Variants in SPDYE3 observed in about 807,000 individuals in gnomAD.
The protein encoded by SPDYE3 is speedy/RINGO cell cycle regulator family member E3, also known as speedy protein E3.
Under a neutral mutation model 55.0 loss-of-function variants are expected in SPDYE3, and 15 were observed. The observed-to-expected ratio is 0.27, with a 90% CI of 0.18 to 0.42. The LOEUF (loss-of-function observed/expected upper bound fraction) is 0.42. Among genes scored for constraint, SPDYE3 ranks in the 10% least tolerant of loss-of-function variants. SPDYE3 has a pLI of 1.00. For missense variants in SPDYE3, 236 were observed against 576.7 expected (o/e 0.41, Z 6.05); for synonymous variants, 89 against 229.9 (o/e 0.39, Z 5.55).
intron 6 of SPDYE3, among the ~76,000 whole-genome samples, chr7:100,315,512 C>T (rs951181571): frequency 1.3e-5 from 2 of 152,066 alleles, no homozygotes; most frequent in Non-Finnish European, 2.9e-5. Context: ...GTGGTCCCTC[C>T]GTGTCTGCTG....
At chr7:100,319,236 A>T (rs1789515170) in intron 8 of SPDYE3, among the ~76,000 whole-genome samples, 2 of 152,092 alleles carry the variant, frequency 1.3e-5, no homozygotes, top group Non-Finnish European at 2.9e-5. Flanking sequence ...TAATAGAGAC[A>T]AGGGTCTTGC....
In SPDYE3 at chr7:100,307,866, G is replaced by C. The variant is rs1487139643; in HGVS notation, c.-20G>C. On this transcript the variant is annotated 5_prime_UTR_variant, in exon 1 of 11. Transcript: ENST00000332397. Reference sequence around the variant, plus strand: ...ACAGAGACTAGCTTCGGTGAGATTGGACAGATTTTGGGAAAGATCATGACG... The same window carrying C: ...ACAGAGACTAGCTTCGGTGAGATTGCACAGATTTTGGGAAAGATCATGACG... 4 of 1,566,534 alleles carry C rather than the reference G, an allele frequency of 2.6e-6. No individual in the cohort carries two copies. Among genetic ancestry groups the C allele is most frequent in the Non-Finnish European group, 1.7e-6 (2 of 1,164,440 alleles).
At chr7:100,308,673 C>A (rs866457009) in intron 1 of SPDYE3, among the ~76,000 whole-genome samples, 1 of 151,320 alleles carries the variant, frequency 6.6e-6, no homozygotes, top group Non-Finnish European at 1.5e-5. Flanking sequence ...TGTACCACTA[C>A]ACTCCAGCCT....
At chr7:100,311,529 G>A (rs940052815) in intron 3 of SPDYE3, among the ~76,000 whole-genome samples, 1 of 139,268 alleles carries the variant, frequency 7.2e-6, no homozygotes, top group African/African-American at 2.7e-5. Context: ...CAGGGACCAG[G>A]GAAGGATATG....
At chr7:100,318,727 T>C (rs1300972930) in intron 8 of SPDYE3, among the ~76,000 whole-genome samples, 15 of 178 alleles carry the variant, frequency 0.084, no homozygotes, top group Non-Finnish European at 0.15. Flanking sequence ...TTCAATTGCT[T>C]TTTTTTTTTT....
At position 100,321,376 on chromosome 7, in the gene SPDYE3, G is replaced by A. The variant is rs1789578734; in HGVS notation, c.*531G>A. The A allele has an allele frequency of 3.5e-6, 1 of 282,712 alleles. No homozygotes were observed. The highest frequency in any genetic ancestry group is 3.2e-5 in the South Asian group (1 of 31,344). 17.5% of individuals were successfully genotyped at this position (282,712 alleles called of 1,614,324 possible). A position where few individuals can be genotyped will look rare whatever the true frequency, so the allele number is the denominator to read the frequency against. Reference sequence around the variant, plus strand: ...AATGTTGGCCATTGAATCATTAATAGGTTTATTTCAAATAGTTTGGAAATT... The same window carrying A: ...AATGTTGGCCATTGAATCATTAATAAGTTTATTTCAAATAGTTTGGAAATT... On this transcript the variant is annotated 3_prime_UTR_variant, in exon 11 of 11. Transcript: ENST00000332397.
Position 100,321,758 on chromosome 7 carries a change from C to G in SPDYE3, c.*913C>G, listed in dbSNP as rs2129984979. 1 of 148,876 alleles carries G rather than the reference C, an allele frequency of 6.7e-6. No individual in the cohort carries two copies. The highest frequency in any genetic ancestry group is 1.9e-4 in the East Asian group (1 of 5,138). The allele number at this position is 148,876 out of a possible 1,614,324, so 9.2% of individuals were successfully genotyped here. On this transcript the variant is annotated 3_prime_UTR_variant, in exon 11 of 11. Transcript: ENST00000332397. ...TACTAACATGTCTAATATATACTAT[C>G]TATTTTATTGATTTATTTCGAAAAA...
At chr7:100,318,887 G>GT (rs1554445172) in intron 8 of SPDYE3, among the ~76,000 whole-genome samples, 9,890 of 140,652 alleles carry the variant, frequency 0.07, 410 homozygotes, top group Middle Eastern at 0.13. Context: ...CACCTGGACA[G>GT]TTATTTATTT....
In SPDYE3 at chr7:100,307,981, G is replaced by C; in HGVS notation, c.96G>C (p.Ser32=). 1 of 1,554,322 alleles carries C rather than the reference G, an allele frequency of 6.4e-7. No individual in the cohort carries two copies. Among genetic ancestry groups the C allele is most frequent in the Non-Finnish European group, 8.6e-7 (1 of 1,157,854 alleles). The change falls in exon 1 of 11, where the codon TCG becomes TCC. Residue 32 remains serine, a synonymous_variant. Transcript: ENST00000332397. ...AGGAGGTGGTGGATGATGAAGTGTC[G>C]GGACCATCAGGTGAGGGGACTGGAG... ...PLQEVVDDEV[S]GPSAPGVDPS...
At chr7:100,317,695 GT>G (rs1479132496) in intron 8 of SPDYE3, among the ~76,000 whole-genome samples, 1 of 151,672 alleles carries the variant, frequency 6.6e-6, no homozygotes, top group Non-Finnish European at 1.5e-5. Flanking sequence ...GCCAGGTGCG[GT>G]GGCTCACGCC....
At chr7:100,308,160 T>A (rs1367219071) in intron 1 of SPDYE3, among the ~76,000 whole-genome samples, 169 bp downstream of exon 1, 1 of 151,306 alleles carries the variant, frequency 6.6e-6, no homozygotes, top group Non-Finnish European at 1.5e-5. Flanking sequence ...TGAAACCCCA[T>A]CTCTACTAAA....
At chr7:100,314,495 C>A (rs1806046429) in intron 5 of SPDYE3, 37 bp from the exon 6 acceptor site, 1 of 1,202,798 alleles carries the variant, frequency 8.3e-7, no homozygotes, top group Non-Finnish European at 1.2e-6. Context: ...TGATCAGTTG[C>A]AGAAGCATTA....
chr7:100,312,880 CA>C (rs71517116), intron 4 of SPDYE3, among the ~76,000 whole-genome samples: 18 of 125,760 alleles, frequency 1.4e-4, no homozygotes, highest in Non-Finnish European at 2.2e-4. Context: ...TGTCTCGAAA[CA>C]AAAAAAAAAA....
At chr7:100,315,915 C>T in intron 7 of SPDYE3, 72 bp downstream of exon 7, 1 of 1,590,590 alleles carries the variant, frequency 6.3e-7, no homozygotes, top group Non-Finnish European at 8.5e-7. Flanking sequence ...GCTTCCAAAC[C>T]CACAGTTCTC....
chr7:100,315,878 C>T (rs746565922), intron 7 of SPDYE3, 35 bp downstream of exon 7: 19 of 1,598,782 alleles, frequency 1.2e-5, no homozygotes, highest in Non-Finnish European at 1.6e-5. Flanking sequence ...TGTTCCTGTT[C>T]TAACGCACGG....
rs1247833118 is a variant in SPDYE3, at chr7:100,313,000, G to A, written c.764-140G>A. 142 of 574,860 alleles carry A rather than the reference G, an allele frequency of 2.5e-4. 3 individuals carry two copies. In the East Asian group the frequency reaches 3.8e-3, roughly 15 times the overall value. 35.6% of individuals were successfully genotyped at this position (574,860 alleles called of 1,614,324 possible). A position where few individuals can be genotyped will look rare whatever the true frequency, so the allele number is the denominator to read the frequency against. ...GGAGTGGCACATGGGGTTGAGCAGA[G>A]GAGAAAGTCAGAAAGGTGGCTTGGA... is the stretch of plus-strand genomic sequence containing the variant. On this transcript the variant is annotated intron_variant, in intron 4 of 10. Transcript: ENST00000332397.
At position 100,307,965 on chromosome 7, in the gene SPDYE3, T is replaced by G. The variant is rs1332681200; in HGVS notation, c.80T>G (p.Val27Gly). The G allele has an allele frequency of 1.9e-6, 3 of 1,563,320 alleles. No homozygotes were observed. The highest frequency in any genetic ancestry group is 1.4e-5 in the African/African-American group (1 of 74,034). The change falls in exon 1 of 11, where the codon GTG (valine) becomes GGG (glycine). Residue 27 changes from valine (V) to glycine (G), a missense_variant. Transcript: ENST00000332397. ...STSGYPLQEVVDDEVSGPSAP... is the reference protein window; with the variant it reads ...STSGYPLQEVGDDEVSGPSAP... ...TCAGGGTACCCCCTCCAGGAGGTGG[T>G]GGATGATGAAGTGTCGGGACCATCA...
chr7:100,317,513 G>A (rs1806132274), intron 8 of SPDYE3, among the ~76,000 whole-genome samples: 2 of 151,984 alleles, frequency 1.3e-5, no homozygotes, highest in South Asian at 4.1e-4. Flanking sequence ...GCTGAGGCAT[G>A]AGAACCCCTT....
At chr7:100,315,753 T>A (rs1433523974) in intron 6 of SPDYE3, 32 bp from the exon 7 acceptor site, 6 of 1,598,064 alleles carry the variant, frequency 3.8e-6, no homozygotes, top group Non-Finnish European at 5.1e-6. Context: ...CCTGTCCTGC[T>A]TCTCACGCTG....
Sources: gnomAD v4.1 joint callset for allele counts (sites outside exome capture counted in the v4.1 genomes callset) on GRCh38, gnomAD v4.1.1 for gene constraint, MANE v1.5 for transcripts, NCBI Gene and HGNC (gene_info 2026-07-23, HGNC 2026-07-21) for gene names.